The following SAA1 variants were observed in gnomAD, a reference collection of about 807,000 sequenced individuals.
SAA1 encodes serum amyloid A-1 protein.
SAA1 carries 4 observed loss-of-function variants against 9.8 expected under a neutral mutation model. That is an observed-to-expected ratio of 0.41 (90% CI 0.20 to 0.93). The LOEUF (loss-of-function observed/expected upper bound fraction) is 0.93. SAA1 is among the 40% of genes least tolerant of loss of function. The pLI, the probability that SAA1 is intolerant of heterozygous loss-of-function variation, is 0.33. For synonymous variants in SAA1, 47 were observed against 57.7 expected, an observed-to-expected ratio of 0.82 and a Z score of 0.84; for missense variants, 114 against 155.5, an observed-to-expected ratio of 0.73 and a Z score of 1.42.
At chr11:18,268,562 G>T (rs1405049310) in intron 2 of SAA1, among the ~76,000 whole-genome samples, 1 of 151,738 alleles carries the variant, frequency 6.6e-6, no homozygotes, top group African/African-American at 2.4e-5. Context: ...GTCGGGGTGC[G>T]GTGGCTCACG....
rs1446399358 is a variant in SAA1 at position 18,269,775 on chromosome 11, G to A, written c.289G>A (p.Asp97Asn). Residue 97 changes from aspartate (D) to asparagine (N), a missense_variant, in exon 4 of 4, where the codon GAT becomes AAT. Physicochemically the swap from Asp to Asn is conservative, Grantham distance 23. Around this residue, in one of 2 missense-constraint regions of SAA1, gnomAD observed 68 missense variants for 54.7 expected, o/e 1.24. Transcript: ENST00000356524. ...CCATGGTGCGGAGGACTCGCTGGCT[G>A]ATCAGGCTGCCAATGAATGGGGCAG... ...FGHGAEDSLA[D>N]QAANEWGRSG... 4.3e-6 allele frequency: 7 copies of A among 1,614,098 alleles called. No homozygotes were observed. The highest frequency in any genetic ancestry group is 1.1e-5 in the South Asian group (1 of 91,080).
intron 2 of SAA1, 146 bp downstream of exon 2, chr11:18,267,124 G>A: frequency 1.6e-6 from 1 of 628,272 alleles, no homozygotes. Flanking sequence ...AGGAACTAGG[G>A]TTTGCTGGGT....
chr11:18,268,657 T>C (rs1858108765), intron 2 of SAA1, among the ~76,000 whole-genome samples: 1 of 150,638 alleles, frequency 6.6e-6, no homozygotes, highest in Admixed American at 6.6e-5. Context: ...CATGGTGAAA[T>C]CCCCGTCTCT....
Position 18,266,949 on chromosome 11 carries a change from T to C in SAA1, c.62T>C (p.Phe21Ser). 6.2e-7 allele frequency: 1 copy of C among 1,611,120 alleles called. No homozygotes were observed. Among genetic ancestry groups the C allele is most frequent in the Non-Finnish European group, 8.5e-7 (1 of 1,179,286 alleles). ...GTCCTGGGTGTCAGCAGCCGAAGCT[T>C]CTTTTCGTTCCTTGGCGAGGCTTTT... ...SLVLGVSSRSFFSFLGEAFDG... is the reference protein window; with the variant it reads ...SLVLGVSSRSSFSFLGEAFDG... Residue 21 changes from phenylalanine to serine, a missense_variant, in exon 2 of 4, where the codon TTC becomes TCC. Phe to Ser is a radical substitution (Grantham distance 155, BLOSUM62 -2). This residue lies in a region of SAA1 where 46 missense variants were observed against 100.8 expected (regional missense o/e 0.46). Coordinates refer to ENST00000356524, the MANE Select transcript of SAA1 (RefSeq NM_199161.5).
chr11:18,268,370 TA>T (rs1027079273), intron 2 of SAA1, among the ~76,000 whole-genome samples: 2 of 151,440 alleles, frequency 1.3e-5, no homozygotes, highest in Non-Finnish European at 2.9e-5. Context: ...AGACTCCATC[TA>T]AAAAAAATGA....
intron 2 of SAA1, 128 bp downstream of exon 2, chr11:18,267,106 G>A (rs2460825): frequency 2.6e-6 from 2 of 756,358 alleles, no homozygotes; most frequent in African/African-American, 4.7e-5. Context: ...GCGTTGCTGA[G>A]GCCTGCCAGG....
chr11:18,267,030 C>A lies in SAA1; in HGVS notation c.91+52C>A, dbSNP rs781225831. On this transcript the variant is annotated intron_variant, in intron 2 of 3. Coordinates refer to ENST00000356524, the MANE Select transcript of SAA1 (RefSeq NM_199161.5). ...TTCTGAAGAGAAACATCACCCTGGA[C>A]CTGATAAACTGGGGAAAATGATGCT... is the stretch of plus-strand genomic sequence containing the variant. 5.2e-6 allele frequency: 6 copies of A among 1,158,008 alleles called. 1 individual carries two copies. In the East Asian group the frequency reaches 1.5e-4, roughly 29 times the overall value. The allele number at this position is 1,158,008 out of a possible 1,614,324, so 71.7% of individuals were successfully genotyped here.
rs372757378 is a variant in SAA1, at chr11:18,266,901, C to T, written c.14C>T (p.Thr5Met). 5.9e-5 allele frequency: 95 copies of T among 1,612,494 alleles called. No individual in the cohort carries two copies. The African/African-American group carries it at 7.4e-4, about 13-fold the overall frequency. The change falls in exon 2 of 4, where the codon ACG becomes ATG. Residue 5 changes from threonine (T) to methionine (M), a missense_variant. Around this residue, in one of 2 missense-constraint regions of SAA1, gnomAD observed 46 missense variants for 100.8 expected, o/e 0.46. Coordinates refer to ENST00000356524, the MANE Select transcript of SAA1 (RefSeq NM_199161.5). MKLLTGLVFCSLVLG... is the reference protein window; with the variant it reads MKLLMGLVFCSLVLG... ...CATTTCAGCACCATGAAGCTTCTCACGGGCCTGGTTTTCTGCTCCTTGGTC... is the reference window on the plus strand; with the variant it reads ...CATTTCAGCACCATGAAGCTTCTCATGGGCCTGGTTTTCTGCTCCTTGGTC...
chr11:18,269,838 C>T lies in SAA1; in HGVS notation c.352C>T (p.Leu118=). ...CCCCAATCACTTCCGACCTGCTGGCCTGCCTGAGAAATACTGAGCTTCCTC... is the reference window on the plus strand; with the variant it reads ...CCCCAATCACTTCCGACCTGCTGGCTTGCCTGAGAAATACTGAGCTTCCTC... The part of the protein sequence containing the change: ...KDPNHFRPAG[L]PEKY Residue 118 remains leucine (L), a synonymous_variant, in exon 4 of 4, where the codon CTG becomes TTG. Coordinates refer to ENST00000356524, the MANE Select transcript of SAA1 (RefSeq NM_199161.5). The T allele has an allele frequency of 6.2e-7, 1 of 1,614,190 alleles. No homozygotes were observed. Among genetic ancestry groups the T allele is most frequent in the Non-Finnish European group, 8.5e-7 (1 of 1,180,032 alleles).
intron 2 of SAA1, among the ~76,000 whole-genome samples, chr11:18,268,236 G>GCCACGCC (rs1406752487): frequency 2.6e-5 from 4 of 151,744 alleles, no homozygotes; most frequent in Non-Finnish European, 5.9e-5. Flanking sequence ...GCCAGGCGTG[G>GCCACGCC]TGGCAGGCAC....
chr11:18,269,374 G>C, intron 3 of SAA1, 41 bp downstream of exon 3: 1 of 1,472,762 alleles, frequency 6.8e-7, no homozygotes, highest in Non-Finnish European at 9.0e-7. Flanking sequence ...GGTGAGCAGA[G>C]CTTGCCTGCC....
chr11:18,266,425 TCTC>T (rs1462620323), intron 1 of SAA1, 129 bp downstream of exon 1: 7 of 154,344 alleles, frequency 4.5e-5, no homozygotes, highest in Middle Eastern at 3.0e-3. Flanking sequence ...AGGTGTCTTA[TCTC>T]CTCTGATCTA....
rs1423093436 is a variant in SAA1, at chr11:18,269,724, A to G, written c.238A>G (p.Arg80Gly). ...AWAAEVITDA[R>G]ENIQRFFGHG... Reference sequence around the variant, plus strand: ...TGCCTGCCTTGATTACAGCGATGCCAGAGAGAATATCCAGAGATTCTTTGG... The same window carrying G: ...TGCCTGCCTTGATTACAGCGATGCCGGAGAGAATATCCAGAGATTCTTTGG... The change falls in exon 4 of 4, where the codon AGA becomes GGA. Residue 80 changes from arginine to glycine, a missense_variant. This residue lies in a region of SAA1 where 68 missense variants were observed against 54.7 expected (regional missense o/e 1.24). Transcript: ENST00000356524. The G allele has an allele frequency of 6.2e-7, 1 of 1,613,868 alleles. No individual in the cohort carries two copies. Among genetic ancestry groups the G allele is most frequent in the Admixed American group, 1.7e-5 (1 of 60,002 alleles).
Position 18,266,928 on chromosome 11 carries a change from T to G in SAA1, c.41T>G (p.Leu14Arg), listed in dbSNP as rs1343878867. 1.9e-6 allele frequency: 3 copies of G among 1,612,536 alleles called. No individual in the cohort carries two copies. Among genetic ancestry groups the G allele is most frequent in the Non-Finnish European group, 2.5e-6 (3 of 1,179,678 alleles). Reference sequence around the variant, plus strand: ...GGCCTGGTTTTCTGCTCCTTGGTCCTGGGTGTCAGCAGCCGAAGCTTCTTT... The same window carrying G: ...GGCCTGGTTTTCTGCTCCTTGGTCCGGGGTGTCAGCAGCCGAAGCTTCTTT... ...LTGLVFCSLVLGVSSRSFFSF... is the reference protein window; with the variant it reads ...LTGLVFCSLVRGVSSRSFFSF... The change falls in exon 2 of 4, where the codon CTG (leucine) becomes CGG (arginine). Residue 14 changes from leucine to arginine, a missense_variant. This residue lies in a region of SAA1 where 46 missense variants were observed against 100.8 expected (regional missense o/e 0.46). Coordinates refer to ENST00000356524, the MANE Select transcript of SAA1 (RefSeq NM_199161.5).
chr11:18,269,469 T>C (rs1442063179), intron 3 of SAA1, 136 bp downstream of exon 3: 4 of 1,486,822 alleles, frequency 2.7e-6, no homozygotes, highest in Non-Finnish European at 3.6e-6. Context: ...TCTGCCTCTG[T>C]GCTCAGTGTG....
intron 2 of SAA1, among the ~76,000 whole-genome samples, chr11:18,268,573 C>G (rs190093755): frequency 6.6e-6 from 1 of 152,200 alleles, no homozygotes; most frequent in African/African-American, 2.4e-5. Context: ...GTGGCTCACG[C>G]CTGTAATCCC....
In SAA1 at chr11:18,269,306, G is replaced by C. The variant is rs1324141534; in HGVS notation, c.203G>C (p.Gly68Ala). The change falls in exon 3 of 4, where the codon GGG becomes GCG. Residue 68 changes from glycine to alanine, a missense_variant. Physicochemically the swap from Gly to Ala is moderately conservative, Grantham distance 60. Coordinates refer to ENST00000356524, the MANE Select transcript of SAA1 (RefSeq NM_199161.5). ...GNYDAAKRGP[G>A]GAWAAEVITD... ...TATGATGCTGCCAAAAGGGGACCTG[G>C]GGGTGCCTGGGCTGCAGAAGTGATC... 11 of 1,545,096 alleles carry C rather than the reference G, an allele frequency of 7.1e-6. 1 individual carries two copies. In the South Asian group the frequency reaches 7.5e-5, roughly 10 times the overall value.
intron 3 of SAA1, 97 bp downstream of exon 3, chr11:18,269,430 G>A: frequency 6.5e-7 from 1 of 1,544,626 alleles, no homozygotes; most frequent in Admixed American, 2.0e-5. Context: ...GAAGTTAGAG[G>A]CTGCGGCCCC....
Position 18,269,755 on chromosome 11 carries a change from G to A in SAA1, c.269G>A (p.Gly90Asp), listed in dbSNP as rs79681911. ...AATATCCAGAGATTCTTTGGCCATG[G>A]TGCGGAGGACTCGCTGGCTGATCAG... is the stretch of plus-strand genomic sequence containing the variant. ...RENIQRFFGH[G>D]AEDSLADQAA... Residue 90 changes from glycine (G) to aspartate (D), a missense_variant, in exon 4 of 4, where the codon GGT becomes GAT. By Grantham distance (94) the Gly-to-Asp change is moderately conservative. Coordinates refer to ENST00000356524, the MANE Select transcript of SAA1 (RefSeq NM_199161.5). 8.7e-4 allele frequency: 1,408 copies of A among 1,614,026 alleles called. 15 individuals carry two copies. In the East Asian group the frequency reaches 0.02, roughly 23 times the overall value.
Sources: allele counts gnomAD v4.1 joint callset (sites outside exome capture counted in the v4.1 genomes callset), GRCh38; gene constraint gnomAD v4.1.1; regional missense constraint gnomAD v4.1.1; transcripts MANE v1.5; gene names NCBI Gene and HGNC (gene_info 2026-07-23, HGNC 2026-07-21).